The following MYO5A variants were observed in gnomAD, a reference collection of about 807,000 sequenced individuals.
MYO5A encodes the protein myosin VA, also known as unconventional myosin-Va.
Under a neutral mutation model 249.7 loss-of-function variants are expected in MYO5A, and 98 were observed. The observed-to-expected ratio is 0.39, with a 90% CI of 0.33 to 0.46. The LOEUF (loss-of-function observed/expected upper bound fraction) is 0.46, where lower values mean the gene tolerates loss of function less well. Ranked by LOEUF, MYO5A falls within the 20% of genes least tolerant of loss-of-function variation. The pLI, the probability that MYO5A is intolerant of heterozygous loss-of-function variation, is 0.98. For missense variants in MYO5A, 1,696 were observed against 2,308.8 expected, an observed-to-expected ratio of 0.73 and a Z score of 5.44; for synonymous variants, 778 against 810.6, an observed-to-expected ratio of 0.96 and a Z score of 0.68.
At chr15:52,455,542 C>A (rs2076100445) in intron 1 of MYO5A, among the ~76,000 whole-genome samples, 1 of 151,972 alleles carries the variant, frequency 6.6e-6, no homozygotes, top group African/African-American at 2.4e-5. Context: ...CTGATGAATA[C>A]AGATGCAAAA....
chr15:52,408,768 A>G (rs543692071), intron 6 of MYO5A, among the ~76,000 whole-genome samples: 1 of 152,358 alleles, frequency 6.6e-6, no homozygotes, highest in Non-Finnish European at 1.5e-5. Flanking sequence ...TACACCTAAT[A>G]GTTTATCACT....
intron 1 of MYO5A, among the ~76,000 whole-genome samples, chr15:52,497,409 TTAAA>T (rs2077059141): frequency 8.9e-6 from 1 of 112,556 alleles, no homozygotes; most frequent in South Asian, 3.4e-4. Context: ...CTGAAATAGC[TTAAA>T]TAAATAAATA....
At chr15:52,389,114 T>A in intron 13 of MYO5A, 124 bp downstream of exon 13, 1 of 940,990 alleles carries the variant, frequency 1.1e-6, no homozygotes, top group Non-Finnish European at 1.6e-6. Context: ...CACTGAAGAC[T>A]GCTGTCCCTT....
intron 33 of MYO5A, 112 bp downstream of exon 33, chr15:52,337,698 G>T: frequency 1.4e-6 from 1 of 729,928 alleles, no homozygotes; most frequent in Non-Finnish European, 2.2e-6. Context: ...CAGGTTTCGT[G>T]AAAATTTTGA....
At chr15:52,425,281 CACAGGATCATGAT>C (rs2075369557) in intron 4 of MYO5A, among the ~76,000 whole-genome samples, 1 of 152,174 alleles carries the variant, frequency 6.6e-6, no homozygotes, top group African/African-American at 2.4e-5. Context: ...TTTTCCTAGT[CACAGGATCATGAT>C]GAAATTTCAA....
At chr15:52,495,256 T>C (rs889559555) in intron 1 of MYO5A, among the ~76,000 whole-genome samples, 7 of 152,150 alleles carry the variant, frequency 4.6e-5, no homozygotes, top group African/African-American at 1.7e-4. Context: ...GGACAATGAA[T>C]GAACCTGGAG....
chr15:52,349,490 C>T (rs2039832749), intron 28 of MYO5A, among the ~76,000 whole-genome samples: 2 of 152,118 alleles, frequency 1.3e-5, no homozygotes, highest in African/African-American at 4.8e-5. Flanking sequence ...ACCGGGTCAG[C>T]CCATTAGGGT....
At chr15:52,415,874 C>T (rs1048909117) in intron 5 of MYO5A, 2 of 463,244 alleles carry the variant, frequency 4.3e-6, no homozygotes, top group Admixed American at 3.6e-5. Flanking sequence ...TAATTGCTGC[C>T]TGGTATTTAG....
At chr15:52,358,792 TAA>T (rs58240010) in intron 25 of MYO5A, among the ~76,000 whole-genome samples, 4 of 149,290 alleles carry the variant, frequency 2.7e-5, no homozygotes, top group African/African-American at 9.8e-5. Flanking sequence ...TACTGTTTTT[TAA>T]AAAAAAAACA....
At chr15:52,341,839 T>C (rs564540899) in intron 31 of MYO5A, among the ~76,000 whole-genome samples, 8 of 152,210 alleles carry the variant, frequency 5.3e-5, no homozygotes, top group Non-Finnish European at 1.2e-4. Context: ...TAAAGACAAA[T>C]ATCACTAGAG....
In MYO5A at chr15:52,340,436, C is replaced by A; in HGVS notation, c.4041-42G>T. On this transcript the variant is annotated intron_variant, in intron 31 of 41. Transcript: ENST00000399233. Reference sequence around the variant, plus strand: ...TGGGTCGGAAGGGGAGACGACACCCCGAGTTGCTGCCTAACGGGTGTAAGG... The same window carrying A: ...TGGGTCGGAAGGGGAGACGACACCCAGAGTTGCTGCCTAACGGGTGTAAGG... The A allele has an allele frequency of 1.9e-6, 3 of 1,578,640 alleles. No homozygotes were observed. In the South Asian group the frequency reaches 3.3e-5, roughly 17 times the overall value.
intron 28 of MYO5A, among the ~76,000 whole-genome samples, 161 bp from the exon 29 acceptor site, chr15:52,348,987 A>G (rs1352470469): frequency 6.6e-6 from 1 of 152,194 alleles, no homozygotes; most frequent in Non-Finnish European, 1.5e-5. Flanking sequence ...ATACATTAAC[A>G]TTCCTGGAAC....
At chr15:52,407,424 T>C in intron 7 of MYO5A, 25 bp from the exon 8 acceptor site, 12 of 1,581,330 alleles carry the variant, frequency 7.6e-6, no homozygotes, top group Non-Finnish European at 9.6e-6. Context: ...AATAAAAATT[T>C]TCTGGTTTAT....
At chr15:52,396,781 A>G (rs1016436694) in intron 10 of MYO5A, among the ~76,000 whole-genome samples, 7 of 152,230 alleles carry the variant, frequency 4.6e-5, no homozygotes, top group Admixed American at 3.3e-4. Flanking sequence ...AGGAACAGAG[A>G]TCCTACAGGT....
intron 1 of MYO5A, among the ~76,000 whole-genome samples, chr15:52,469,143 G>T (rs940231836): frequency 2.6e-5 from 4 of 152,058 alleles, no homozygotes; most frequent in African/African-American, 9.7e-5. Flanking sequence ...TAGTGTAAAG[G>T]TTAACTATAA....
chr15:52,528,766 G>T lies in MYO5A; in HGVS notation c.27+14C>A. ...ACAGCCCCAGTCCTCGACGCCGGCC[G>T]CGGGGTGCCTTACCTTTGTGTAGAG... On this transcript the variant is annotated intron_variant, in intron 1 of 41. Coordinates refer to ENST00000399233, the MANE Select transcript of MYO5A (RefSeq NM_001382347.1). 1 of 1,504,998 alleles carries T rather than the reference G, an allele frequency of 6.6e-7. No homozygotes were observed. The highest frequency in any genetic ancestry group is 8.8e-7 in the Non-Finnish European group (1 of 1,133,834). The allele number at this position is 1,504,998 out of a possible 1,614,324, so 93.2% of individuals were successfully genotyped here.
chr15:52,367,821 C>A (rs2040885939), intron 22 of MYO5A, among the ~76,000 whole-genome samples: 1 of 150,664 alleles, frequency 6.6e-6, no homozygotes, highest in African/African-American at 2.5e-5. Context: ...ACAGAACTGT[C>A]CACTTAAAAA....
chr15:52,364,806 T>C (rs759635223), intron 23 of MYO5A, 104 bp from the exon 24 acceptor site: 4 of 1,325,394 alleles, frequency 3.0e-6, no homozygotes, highest in Non-Finnish European at 4.3e-6. Flanking sequence ...AATTTTACTT[T>C]TAGTATCACT....
chr15:52,456,538 G>A (rs938854909), intron 1 of MYO5A, among the ~76,000 whole-genome samples: 13 of 152,010 alleles, frequency 8.6e-5, no homozygotes, highest in African/African-American at 3.1e-4. Context: ...AACAAAGCTG[G>A]AGGCATGACA....
Sources: gnomAD v4.1 joint callset for allele counts (sites outside exome capture counted in the v4.1 genomes callset) on GRCh38, gnomAD v4.1.1 for gene constraint, MANE v1.5 for transcripts, NCBI Gene and HGNC (gene_info 2026-07-23, HGNC 2026-07-21) for gene names.